The following RAB3B variants were observed in gnomAD, a reference collection of about 807,000 sequenced individuals.
The protein encoded by RAB3B is ras-related protein Rab-3B.
Under a neutral mutation model 20.5 loss-of-function variants are expected in RAB3B, and 11 were observed. That is an observed-to-expected ratio of 0.54 (90% CI 0.34 to 0.89). The LOEUF (loss-of-function observed/expected upper bound fraction) is 0.89, where lower values mean the gene tolerates loss of function less well. Ranked by LOEUF, RAB3B falls within the 40% of genes least tolerant of loss-of-function variation. The pLI is 0.02. For missense variants in RAB3B, 225 were observed against 280.9 expected (o/e 0.80, Z 1.42); for synonymous variants, 99 against 106.3 (o/e 0.93, Z 0.42).
At chr1:51,970,032 T>G (rs1168604208) in intron 2 of RAB3B, among the ~76,000 whole-genome samples, 1 of 151,052 alleles carries the variant, frequency 6.6e-6, no homozygotes, top group African/African-American at 2.4e-5. Flanking sequence ...ATCGCACCAC[T>G]GTACTCCAGC....
chr1:51,916,620 G>A lies in RAB3B; in HGVS notation c.*3307C>T, dbSNP rs1571953337. On this transcript the variant is annotated 3_prime_UTR_variant, in exon 5 of 5. Coordinates refer to ENST00000371655, the MANE Select transcript of RAB3B (RefSeq NM_002867.4). The stretch of plus-strand genomic sequence containing the variant: ...ACTCTTCACAAATGCCCCATTGCTG[G>A]AGCATAGAGGCTGTTCAAAGTGGAG... 6.6e-6 allele frequency: 1 copy of A among 152,206 alleles called. No individual in the cohort carries two copies. Among genetic ancestry groups the A allele is most frequent in the South Asian group, 2.1e-4 (1 of 4,830 alleles). 9.4% of individuals were successfully genotyped at this position (152,206 alleles called of 1,614,324 possible).
chr1:51,914,066 C>T lies in RAB3B; in HGVS notation c.*5861G>A, dbSNP rs1684047511. The T allele has an allele frequency of 6.6e-6, 1 of 152,216 alleles. No individual in the cohort carries two copies. Among genetic ancestry groups the T allele is most frequent in the Admixed American group, 6.5e-5 (1 of 15,272 alleles). The allele number at this position is 152,216 out of a possible 1,614,324, so 9.4% of individuals were successfully genotyped here. On this transcript the variant is annotated 3_prime_UTR_variant, in exon 5 of 5. Coordinates refer to ENST00000371655, the MANE Select transcript of RAB3B (RefSeq NM_002867.4). Reference sequence around the variant, plus strand: ...AGCCAGAAGAACCACCCAGCCAACCCACAGAATCATAAGAAATGATACATG... The same window carrying T: ...AGCCAGAAGAACCACCCAGCCAACCTACAGAATCATAAGAAATGATACATG...
chr1:51,943,361 G>A (rs1571965138), intron 2 of RAB3B, among the ~76,000 whole-genome samples: 2 of 151,486 alleles, frequency 1.3e-5, no homozygotes, highest in African/African-American at 2.4e-5. Context: ...TCCAGCCTGG[G>A]TGACAGAGCA....
intron 2 of RAB3B, among the ~76,000 whole-genome samples, chr1:51,962,610 G>A (rs1280644399): frequency 6.6e-6 from 1 of 152,090 alleles, no homozygotes; most frequent in Admixed American, 6.6e-5. Context: ...CTGATCACTG[G>A]ACTCCAATTG....
At chr1:51,923,996 G>C (rs1684209105) in intron 4 of RAB3B, among the ~76,000 whole-genome samples, 1 of 152,064 alleles carries the variant, frequency 6.6e-6, no homozygotes, top group Admixed American at 6.5e-5. Context: ...ACCCTGCATG[G>C]CAGAAGTCCA....
At chr1:51,988,754 A>G (rs1043489638) in intron 1 of RAB3B, among the ~76,000 whole-genome samples, 4 of 152,178 alleles carry the variant, frequency 2.6e-5, no homozygotes, top group Non-Finnish European at 5.9e-5. Context: ...TAGGAGCTTC[A>G]AGCTTAGAGG....
At chr1:51,924,863 G>T (rs919390812) in intron 4 of RAB3B, among the ~76,000 whole-genome samples, 3 of 152,086 alleles carry the variant, frequency 2.0e-5, no homozygotes, top group Non-Finnish European at 4.4e-5. Flanking sequence ...TAGGAGCTGA[G>T]AATCTAGTGA....
intron 4 of RAB3B, among the ~76,000 whole-genome samples, chr1:51,925,726 GTC>G (rs1445176458): frequency 4.6e-5 from 7 of 152,084 alleles, no homozygotes; most frequent in East Asian, 1.9e-4. Context: ...AACATATAAT[GTC>G]TCTCTCCCCT....
intron 2 of RAB3B, among the ~76,000 whole-genome samples, chr1:51,955,108 C>G (rs1261000534): frequency 6.6e-6 from 1 of 152,178 alleles, no homozygotes; most frequent in Admixed American, 6.5e-5. Flanking sequence ...CCTTTATGAG[C>G]GAAGTTTGAG....
intron 4 of RAB3B, among the ~76,000 whole-genome samples, chr1:51,924,290 C>T (rs1007191238): frequency 1.3e-5 from 2 of 152,118 alleles, no homozygotes; most frequent in African/African-American, 4.8e-5. Flanking sequence ...GACAATATTA[C>T]AGGGCAATAA....
At chr1:51,956,386 A>T (rs959952272) in intron 2 of RAB3B, among the ~76,000 whole-genome samples, 6 of 152,192 alleles carry the variant, frequency 3.9e-5, no homozygotes, top group African/African-American at 1.4e-4. Flanking sequence ...AAGACAAATA[A>T]ACTGAGAGGC....
chr1:51,917,185 G>A lies in RAB3B; in HGVS notation c.*2742C>T, dbSNP rs771161110. The A allele has an allele frequency of 3.3e-5, 5 of 152,128 alleles. No homozygotes were observed. Among genetic ancestry groups the A allele is most frequent in the Non-Finnish European group, 7.3e-5 (5 of 68,034 alleles). 9.4% of individuals were successfully genotyped at this position (152,128 alleles called of 1,614,324 possible). On this transcript the variant is annotated 3_prime_UTR_variant, in exon 5 of 5. Coordinates refer to ENST00000371655, the MANE Select transcript of RAB3B (RefSeq NM_002867.4). ...ATGTTGGGAAGATAAATGAGTTAAT[G>A]CACGTAAAATGCTTGGAACAATGTC...
chr1:51,966,664 A>G (rs925448050), intron 2 of RAB3B, among the ~76,000 whole-genome samples: 7 of 152,170 alleles, frequency 4.6e-5, no homozygotes, highest in Admixed American at 4.6e-4. Context: ...TGGTTCCTAC[A>G]GGCTTTGGGG....
chr1:51,939,517 G>A, intron 2 of RAB3B, among the ~76,000 whole-genome samples: 1 of 152,082 alleles, frequency 6.6e-6, no homozygotes. Flanking sequence ...TGAACTCCTA[G>A]GCTCAAGTGA....
At chr1:51,924,334 G>A (rs755300225) in intron 4 of RAB3B, among the ~76,000 whole-genome samples, 2 of 152,136 alleles carry the variant, frequency 1.3e-5, no homozygotes, top group Non-Finnish European at 2.9e-5. Context: ...GGGATTGTCA[G>A]GGCACAGAGA....
chr1:51,938,724 G>A (rs1185326784), intron 2 of RAB3B, among the ~76,000 whole-genome samples: 3 of 148,070 alleles, frequency 2.0e-5, no homozygotes, highest in African/African-American at 5.0e-5. Flanking sequence ...GGCCCAGGCT[G>A]GAGTGCAGTG....
intron 2 of RAB3B, among the ~76,000 whole-genome samples, chr1:51,959,095 G>A (rs1028074005): frequency 2.0e-5 from 3 of 152,190 alleles, no homozygotes; most frequent in Non-Finnish European, 4.4e-5. Flanking sequence ...CAATACAGCT[G>A]GTTAGTATGG....
chr1:51,927,756 T>C (rs1571958020), intron 4 of RAB3B, among the ~76,000 whole-genome samples: 1 of 152,116 alleles, frequency 6.6e-6, no homozygotes, highest in African/African-American at 2.4e-5. Flanking sequence ...TGAGCCAAGA[T>C]TGTGTCACTG....
chr1:51,948,367 C>G (rs144583068), intron 2 of RAB3B, among the ~76,000 whole-genome samples: 1 of 152,302 alleles, frequency 6.6e-6, no homozygotes, highest in Admixed American at 6.5e-5. Context: ...AACTTGAAAC[C>G]AGGTGAAGGA....
Sources: gnomAD v4.1 joint callset for allele counts (sites outside exome capture counted in the v4.1 genomes callset) on GRCh38, gnomAD v4.1.1 for gene constraint, MANE v1.5 for transcripts, NCBI Gene and HGNC (gene_info 2026-07-23, HGNC 2026-07-21) for gene names.